Variants in ARID1B observed in about 807,000 individuals in gnomAD.
The protein encoded by ARID1B is AT-rich interaction domain 1B.
ARID1B carries 30 observed loss-of-function variants against 212.3 expected under a neutral mutation model. The observed-to-expected ratio is 0.14, with a 90% confidence interval of 0.11 to 0.19. The LOEUF (loss-of-function observed/expected upper bound fraction) is 0.19. Ranked by LOEUF, ARID1B falls within the 10% of genes least tolerant of loss-of-function variation. The pLI, the probability that ARID1B is intolerant of heterozygous loss-of-function variation, is 1.00. For missense variants in ARID1B, 2,891 were observed against 3,204.0 expected (o/e 0.90, Z 2.36); for synonymous variants, 1,402 against 1,301.7 (o/e 1.08, Z -1.66).
At chr6:157,123,955 C>G (rs1787954984) in intron 6 of ARID1B, among the ~76,000 whole-genome samples, 1 of 152,222 alleles carries the variant, frequency 6.6e-6, no homozygotes, top group South Asian at 2.1e-4. Flanking sequence ...GTCTGCAGAG[C>G]CCTCACTCCT....
intron 4 of ARID1B, among the ~76,000 whole-genome samples, chr6:157,040,650 G>A (rs1781826288): frequency 1.3e-5 from 2 of 152,192 alleles, no homozygotes; most frequent in Non-Finnish European, 1.5e-5. Context: ...GTATGTACAT[G>A]TGGCGAAACT....
At chr6:156,973,050 T>C (rs1198142165) in intron 4 of ARID1B, among the ~76,000 whole-genome samples, 2 of 152,234 alleles carry the variant, frequency 1.3e-5, no homozygotes, top group Non-Finnish European at 2.9e-5. Flanking sequence ...GTATAGACTA[T>C]GTATAACAGA....
rs370603043 is a variant in ARID1B, at chr6:157,063,121, C to CT, written c.2248-21530dup. Reference sequence around the variant, plus strand: ...GAATCTTTAATGTGGTGGCTTTTCCCTTTTTTTTTTTCTTTTAAACATTTT... The same window carrying CT: ...GAATCTTTAATGTGGTGGCTTTTCCCTTTTTTTTTTTTCTTTTAAACATTTT... On this transcript the variant is annotated intron_variant, in intron 4 of 19. Coordinates refer to ENST00000636930, the MANE Select transcript of ARID1B (RefSeq NM_001374828.1). Among the ~76,000 whole-genome samples the CT allele has an allele frequency of 1.0e-3, 148 of 146,422 alleles. 1 individual carries two copies. In the East Asian group the frequency reaches 0.013, roughly 13 times the overall value.
At chr6:157,153,125 T>C (rs1221163762) in intron 8 of ARID1B, among the ~76,000 whole-genome samples, 1 of 151,966 alleles carries the variant, frequency 6.6e-6, no homozygotes, top group Non-Finnish European at 1.5e-5. Flanking sequence ...TTAGAAACTG[T>C]TTTATTAATT....
intron 4 of ARID1B, among the ~76,000 whole-genome samples, chr6:157,073,102 CTTTT>C (rs869172647): frequency 7.2e-6 from 1 of 138,832 alleles, no homozygotes; most frequent in Admixed American, 7.2e-5. Context: ...TTCACCCCAT[CTTTT>C]TTTTTTTTTT....
intron 1 of ARID1B, among the ~76,000 whole-genome samples, chr6:156,813,951 T>C (rs1287000246): frequency 1.3e-5 from 2 of 152,174 alleles, no homozygotes; most frequent in Non-Finnish European, 2.9e-5. Context: ...GACCCTGCCT[T>C]CATGCTCCCG....
intron 9 of ARID1B, among the ~76,000 whole-genome samples, chr6:157,171,269 G>A (rs1455066003): frequency 6.6e-6 from 1 of 152,230 alleles, no homozygotes; most frequent in Non-Finnish European, 1.5e-5. Context: ...TATTTACAGT[G>A]CTCAGGCAGC....
chr6:156,951,627 T>C (rs1793598519), intron 4 of ARID1B, among the ~76,000 whole-genome samples: 1 of 152,044 alleles, frequency 6.6e-6, no homozygotes, highest in Non-Finnish European at 1.5e-5. Context: ...GTGTTTTTAG[T>C]AGAGATGGGG....
intron 2 of ARID1B, among the ~76,000 whole-genome samples, chr6:156,837,669 AGT>A (rs1783605842): frequency 6.6e-6 from 1 of 152,220 alleles, no homozygotes. Flanking sequence ...GAACTTTAAA[AGT>A]TAAATCTGTA....
chr6:157,084,252 A>G (rs1420866742), intron 4 of ARID1B, among the ~76,000 whole-genome samples: 4 of 152,166 alleles, frequency 2.6e-5, no homozygotes, highest in Non-Finnish European at 5.9e-5. Context: ...CAAATTCTGA[A>G]AAAAAGGACT....
chr6:157,101,439 T>C (rs1315458311), intron 5 of ARID1B, among the ~76,000 whole-genome samples: 3 of 152,190 alleles, frequency 2.0e-5, no homozygotes, highest in Admixed American at 1.3e-4. Flanking sequence ...CTTGCCACTG[T>C]CACAGAGTTT....
At chr6:156,893,051 T>C (rs1023313029) in intron 2 of ARID1B, among the ~76,000 whole-genome samples, 1 of 138,396 alleles carries the variant, frequency 7.2e-6, no homozygotes, top group African/African-American at 2.8e-5. Flanking sequence ...CTTCCTTTTT[T>C]TTTTTTTTTG....
intron 6 of ARID1B, among the ~76,000 whole-genome samples, chr6:157,112,214 C>T (rs1302871962): frequency 6.6e-6 from 1 of 152,208 alleles, no homozygotes; most frequent in Admixed American, 6.5e-5. Flanking sequence ...AAATTCTCTA[C>T]TGTGACCTGC....
intron 4 of ARID1B, among the ~76,000 whole-genome samples, chr6:157,001,240 A>C (rs1188364934): frequency 6.6e-6 from 1 of 152,210 alleles, no homozygotes; most frequent in Non-Finnish European, 1.5e-5. Context: ...CACAGCACCC[A>C]GATTGAAATG....
At chr6:156,882,634 G>C (rs1193383172) in intron 2 of ARID1B, among the ~76,000 whole-genome samples, 1 of 152,096 alleles carries the variant, frequency 6.6e-6, no homozygotes, top group Admixed American at 6.6e-5. Flanking sequence ...TCACACACTG[G>C]CCACATACTC....
At chr6:156,949,027 A>G (rs1021346201) in intron 4 of ARID1B, among the ~76,000 whole-genome samples, 2 of 152,238 alleles carry the variant, frequency 1.3e-5, no homozygotes, top group African/African-American at 4.8e-5. Flanking sequence ...TATACAAGAC[A>G]TTCAGGTGGC....
chr6:157,006,720 G>A (rs1027261480), intron 4 of ARID1B, among the ~76,000 whole-genome samples: 1 of 152,208 alleles, frequency 6.6e-6, no homozygotes, highest in African/African-American at 2.4e-5. Context: ...CCAGAGAGGA[G>A]CCTGCACTGT....
chr6:156,942,223 G>A (rs1203792907), intron 4 of ARID1B: 2 of 152,294 alleles, frequency 1.3e-5, no homozygotes, highest in African/African-American at 4.8e-5. Flanking sequence ...TGATTTGCAG[G>A]ATATTGGTTT....
intron 5 of ARID1B, among the ~76,000 whole-genome samples, chr6:157,096,695 CG>C (rs199931754): frequency 0.024 from 3,673 of 152,312 alleles, 74 homozygotes; most frequent in Non-Finnish European, 0.041. Context: ...TCCTGAGCTG[CG>C]GGGTCCCTGA....
Sources: allele counts gnomAD v4.1 joint callset (sites outside exome capture counted in the v4.1 genomes callset), GRCh38; gene constraint gnomAD v4.1.1; transcripts MANE v1.5; gene names NCBI Gene and HGNC (gene_info 2026-07-23, HGNC 2026-07-21).